The following BANK1 variants were observed in gnomAD, a reference collection of about 807,000 sequenced individuals.
BANK1 encodes B cell scaffold protein with ankyrin repeats 1, also known as B-cell scaffold protein with ankyrin repeats.
In BANK1, 95 loss-of-function variants were observed where a neutral mutation model predicts 94.5. That is an observed-to-expected ratio of 1.00 (90% CI 0.85 to 1.19). BANK1 has a LOEUF of 1.19. Ranked by LOEUF, BANK1 falls within the 50% of genes most tolerant of loss-of-function variation. The pLI, the probability that BANK1 is intolerant of heterozygous loss-of-function variation, is 0.00. For synonymous variants in BANK1, 334 were observed against 308.4 expected (o/e 1.08, Z -0.87); for missense variants, 987 against 932.2 (o/e 1.06, Z -0.77).
chr4:101,943,910 G>A (rs901730880), intron 7 of BANK1, among the ~76,000 whole-genome samples: 2 of 151,662 alleles, frequency 1.3e-5, no homozygotes, highest in South Asian at 2.1e-4. Flanking sequence ...TTAGTCTTTC[G>A]TGTCCTCTGT....
rs946557469 is a variant in BANK1, at chr4:101,799,829, G to A, written c.70+8879G>A. On this transcript the variant is annotated intron_variant, in intron 1 of 16. Coordinates refer to ENST00000322953, the MANE Select transcript of BANK1 (RefSeq NM_017935.5). The stretch of plus-strand genomic sequence containing the variant: ...GCGGAGCTTGCAGTGAGCTGAGATC[G>A]CACCACTGCACTCCAGCCTGGGTGA... Among the ~76,000 whole-genome samples the A allele has an allele frequency of 3.9e-5, 6 of 152,030 alleles. No individual in the cohort carries two copies. The South Asian group carries it at 6.2e-4, about 16-fold the overall frequency.
chr4:101,804,237 A>T (rs1436826446), intron 1 of BANK1, among the ~76,000 whole-genome samples: 1 of 152,144 alleles, frequency 6.6e-6, no homozygotes, highest in Non-Finnish European at 1.5e-5. Context: ...GTATTAAATC[A>T]TAACTGCATA....
chr4:101,995,744 C>A (rs1339438178), intron 7 of BANK1, among the ~76,000 whole-genome samples: 1 of 151,686 alleles, frequency 6.6e-6, no homozygotes, highest in African/African-American at 2.4e-5. Context: ...AAATGTCTTC[C>A]TTTGTGAAGT....
chr4:101,936,297 A>G lies in BANK1; in HGVS notation c.1206+18108A>G, dbSNP rs555622170. On this transcript the variant is annotated intron_variant, in intron 7 of 16. Coordinates refer to ENST00000322953, the MANE Select transcript of BANK1 (RefSeq NM_017935.5). The stretch of plus-strand genomic sequence containing the variant: ...CATGTATATGTACACATATATGCAC[A>G]CATACATGCATATGTACACATATGT... Among the ~76,000 whole-genome samples the G allele has an allele frequency of 3.8e-5, 5 of 132,484 alleles. No individual in the cohort carries two copies. In the South Asian group the frequency reaches 1.3e-3, roughly 34 times the overall value. 86.9% of individuals were successfully genotyped at this position (132,484 alleles called of 152,430 possible).
chr4:101,923,124 T>C (rs1723051822), intron 7 of BANK1, among the ~76,000 whole-genome samples: 1 of 151,804 alleles, frequency 6.6e-6, no homozygotes, highest in South Asian at 2.1e-4. Context: ...ATGAAATGAA[T>C]GTAAAATTAT....
chr4:101,869,530 T>A (rs866006674), intron 4 of BANK1, among the ~76,000 whole-genome samples: 2 of 151,952 alleles, frequency 1.3e-5, no homozygotes, highest in Non-Finnish European at 2.9e-5. Context: ...AAGCTTAAGA[T>A]TGCTTTCGTT....
chr4:101,855,117 TGAA>T lies in BANK1; in HGVS notation c.556_558del (p.Glu186del). ...GGGAAATAAGTGAGAGAAAGGAAATTGAAGAACTATCAGAAGCTTCAAGAAACA... is the reference window on the plus strand; with the variant it reads ...GGGAAATAAGTGAGAGAAAGGAAATTGAACTATCAGAAGCTTCAAGAAACA... On this transcript the variant is annotated inframe_deletion, in exon 3 of 17. Coordinates refer to ENST00000322953, the MANE Select transcript of BANK1 (RefSeq NM_017935.5). The T allele has an allele frequency of 6.2e-7, 1 of 1,613,682 alleles. No homozygotes were observed. The highest frequency in any genetic ancestry group is 8.5e-7 in the Non-Finnish European group (1 of 1,179,656).
intron 1 of BANK1, among the ~76,000 whole-genome samples, chr4:101,819,094 A>C (rs1726035042): frequency 6.6e-6 from 1 of 152,190 alleles, no homozygotes; most frequent in Admixed American, 6.5e-5. Flanking sequence ...ATATATACTC[A>C]AGGCAAGATG....
chr4:101,902,320 A>G (rs1722314706), intron 6 of BANK1, among the ~76,000 whole-genome samples: 1 of 152,224 alleles, frequency 6.6e-6, no homozygotes, highest in South Asian at 2.1e-4. Flanking sequence ...TAGGAATATA[A>G]TGGGTAATGT....
intron 1 of BANK1, among the ~76,000 whole-genome samples, chr4:101,794,971 C>T (rs1421119881): frequency 6.6e-6 from 1 of 152,052 alleles, no homozygotes; most frequent in East Asian, 1.9e-4. Context: ...ATTCCCATTG[C>T]CTTGTTTTCA....
intron 7 of BANK1, among the ~76,000 whole-genome samples, chr4:102,004,855 A>T (rs140751279): frequency 0.012 from 1,866 of 152,230 alleles, 11 homozygotes; most frequent in Middle Eastern, 0.024. Flanking sequence ...TATGAGATAC[A>T]TTATATGAAT....
intron 7 of BANK1, among the ~76,000 whole-genome samples, chr4:101,973,902 A>G (rs1318837961): frequency 6.6e-6 from 1 of 152,074 alleles, no homozygotes. Flanking sequence ...AATCCTAACT[A>G]GCTACTGAAT....
chr4:101,865,806 C>T (rs1424313761), intron 4 of BANK1, among the ~76,000 whole-genome samples: 2 of 151,698 alleles, frequency 1.3e-5, no homozygotes, highest in African/African-American at 4.8e-5. Flanking sequence ...AAACAACCAA[C>T]CAAAAAAACC....
chr4:101,863,529 A>G (rs1351706780), intron 4 of BANK1, among the ~76,000 whole-genome samples: 7 of 152,110 alleles, frequency 4.6e-5, no homozygotes, highest in Non-Finnish European at 8.8e-5. Flanking sequence ...TCCTTTTAAA[A>G]TATAGTGATT....
intron 11 of BANK1, among the ~76,000 whole-genome samples, chr4:102,053,357 GAAAC>G (rs1728118438): frequency 6.6e-6 from 1 of 152,034 alleles, no homozygotes; most frequent in African/African-American, 2.4e-5. Context: ...TAAGGAAAAA[GAAAC>G]AATCTTAAAA....
chr4:101,997,396 T>C (rs1393187090), intron 7 of BANK1, among the ~76,000 whole-genome samples: 1 of 152,160 alleles, frequency 6.6e-6, no homozygotes, highest in Admixed American at 6.5e-5. Flanking sequence ...ATTTTCTTTT[T>C]TTGTTGTGTC....
rs374346511 is a variant in BANK1, at chr4:101,862,506, G to A, written c.625-20G>A. 6 of 1,584,618 alleles carry A rather than the reference G, an allele frequency of 3.8e-6. No individual in the cohort carries two copies. In the African/African-American group the frequency reaches 8.2e-5, roughly 22 times the overall value. ...TAAACTTTTCCAAATGCTTAAATGG[G>A]TTACATTTTCATCTTACAGAATCCT... On this transcript the variant is annotated intron_variant, in intron 3 of 16. Coordinates refer to ENST00000322953, the MANE Select transcript of BANK1 (RefSeq NM_017935.5).
At chr4:101,936,333 A>G (rs774768982) in intron 7 of BANK1, among the ~76,000 whole-genome samples, 2 of 150,072 alleles carry the variant, frequency 1.3e-5, no homozygotes, top group South Asian at 2.1e-4. Flanking sequence ...ATCCATACAT[A>G]TATATGTACA....
intron 7 of BANK1, among the ~76,000 whole-genome samples, chr4:102,007,114 T>TA (rs1553940676): frequency 7.5e-5 from 3 of 40,080 alleles, no homozygotes; most frequent in Non-Finnish European, 1.1e-4. Flanking sequence ...TATATATAAA[T>TA]ATATATTTTA....
Sources: allele counts gnomAD v4.1 joint callset (sites outside exome capture counted in the v4.1 genomes callset), GRCh38; gene constraint gnomAD v4.1.1; transcripts MANE v1.5; gene names NCBI Gene and HGNC (gene_info 2026-07-23, HGNC 2026-07-21).